Variants in CCDC141 observed in about 807,000 individuals in gnomAD.
The protein encoded by CCDC141 is coiled-coil domain containing 141, also known as coiled-coil domain-containing protein 141.
In CCDC141, 168 loss-of-function variants were observed where a neutral mutation model predicts 181.0. The ratio of observed to expected loss-of-function variants is 0.93; its 90% CI spans 0.82 to 1.05. CCDC141 has a LOEUF of 1.05. CCDC141 is among the 50% of genes least tolerant of loss of function. The pLI is 0.00. For synonymous variants in CCDC141, 666 were observed against 642.3 expected (o/e 1.04, Z -0.56); for missense variants, 1,902 against 1,788.5 (o/e 1.06, Z -1.14).
intron 6 of CCDC141, 121 bp from the exon 7 acceptor site, chr2:178,919,028 CTTTGGGAGATGA>C: frequency 1.1e-6 from 1 of 898,882 alleles, no homozygotes; most frequent in Non-Finnish European, 1.6e-6. Flanking sequence ...GGAAGTAGGG[CTTTGGGAGATGA>C]TTAGTGACCT....
chr2:178,842,824 A>T (rs909436081), intron 22 of CCDC141, among the ~76,000 whole-genome samples: 5 of 152,204 alleles, frequency 3.3e-5, no homozygotes, highest in African/African-American at 1.2e-4. Flanking sequence ...GTAATGTGGT[A>T]TTTTGGGGCA....
chr2:178,965,446 G>A (rs1321170919), intron 4 of CCDC141, among the ~76,000 whole-genome samples: 2 of 152,200 alleles, frequency 1.3e-5, no homozygotes, highest in African/African-American at 2.4e-5. Context: ...ATTGGTACTC[G>A]TTGGACAGTG....
intron 6 of CCDC141, among the ~76,000 whole-genome samples, chr2:178,938,000 T>C (rs1206823393): frequency 6.6e-6 from 1 of 152,118 alleles, no homozygotes; most frequent in Admixed American, 6.6e-5. Flanking sequence ...ATTAAGTTTT[T>C]CAAGAAACCA....
At chr2:179,001,912 A>C (rs1313674404) in intron 2 of CCDC141, 1 of 153,298 alleles carries the variant, frequency 6.5e-6, no homozygotes, top group African/African-American at 2.4e-5. Flanking sequence ...TCCGCCTCCC[A>C]GGTTCAAGTG....
downstream of CCDC141, among the ~76,000 whole-genome samples, chr2:178,828,811 G>A (rs999313957): frequency 1.3e-5 from 2 of 151,950 alleles, no homozygotes; most frequent in Non-Finnish European, 2.9e-5. Flanking sequence ...GGATAAAGTA[G>A]GTCCCTTTAT....
intron 2 of CCDC141, among the ~76,000 whole-genome samples, chr2:178,981,404 A>G (rs1488091874): frequency 6.6e-6 from 1 of 151,768 alleles, no homozygotes; most frequent in East Asian, 1.9e-4. Flanking sequence ...ATACTCTCAG[A>G]CCACAAAAGA....
chr2:179,027,042 G>T (rs1302329346), intron 2 of CCDC141, among the ~76,000 whole-genome samples: 2 of 152,198 alleles, frequency 1.3e-5, no homozygotes, highest in African/African-American at 4.8e-5. Context: ...GAAGGGACTT[G>T]CCCCACCTCA....
chr2:178,819,078 A>C, the CCDC141 span, among the ~76,000 whole-genome samples: 743 of 152,342 alleles, frequency 4.9e-3, 7 homozygotes, highest in Non-Finnish European at 7.2e-3. Context: ...TTCCAAAGTA[A>C]AAAAGCTACA....
chr2:178,905,698 A>G (rs1413665402), intron 7 of CCDC141, among the ~76,000 whole-genome samples, 197 bp from the exon 8 acceptor site: 2 of 152,394 alleles, frequency 1.3e-5, no homozygotes, highest in Non-Finnish European at 2.9e-5. Context: ...GAAACTGATC[A>G]TAGCTTAGAT....
chr2:178,984,369 A>G (rs1054912733), intron 2 of CCDC141, among the ~76,000 whole-genome samples: 8 of 151,954 alleles, frequency 5.3e-5, no homozygotes, highest in African/African-American at 1.9e-4. Flanking sequence ...TCATGCCAAA[A>G]TGTAACGACC....
chr2:178,837,086 G>A lies in CCDC141; in HGVS notation c.4133C>T (p.Thr1378Ile), dbSNP rs1369562881. ...AFSGLRFQSG[T>I]SRGYQRQMVP... The stretch of plus-strand genomic sequence containing the variant: ...CATTTGCCTCTGATAGCCCCTGCTG[G>A]TGCCTGATTGAAACCTGAGGCCCGA... Residue 1378 changes from threonine (T) to isoleucine (I), a missense_variant, in exon 23 of 24, where the codon ACC becomes ATC. Transcript: ENST00000443758. 1 of 1,613,964 alleles carries A rather than the reference G, an allele frequency of 6.2e-7. No individual in the cohort carries two copies. The highest frequency in any genetic ancestry group is 1.7e-5 in the Admixed American group (1 of 59,988).
At chr2:178,929,862 C>A (rs1689034286) in intron 6 of CCDC141, among the ~76,000 whole-genome samples, 1 of 151,796 alleles carries the variant, frequency 6.6e-6, no homozygotes, top group Non-Finnish European at 1.5e-5. Context: ...ATACTAAGGC[C>A]CCACTCTAAA....
intron 6 of CCDC141, among the ~76,000 whole-genome samples, chr2:178,932,192 C>T (rs879382949): frequency 3.9e-5 from 6 of 152,104 alleles, no homozygotes; most frequent in Non-Finnish European, 8.8e-5. Flanking sequence ...AACACACACA[C>T]ATGCACACAA....
chr2:178,849,979 A>G (rs1286850424), intron 21 of CCDC141, 70 bp downstream of exon 21: 9 of 821,556 alleles, frequency 1.1e-5, no homozygotes, highest in Non-Finnish European at 1.8e-5. Context: ...TCTTTGCACC[A>G]GAAGACATTT....
At chr2:178,816,814 GAA>G in the CCDC141 span, among the ~76,000 whole-genome samples, 1 of 152,138 alleles carries the variant, frequency 6.6e-6, no homozygotes, top group African/African-American at 2.4e-5. Flanking sequence ...TCTACAATAA[GAA>G]GAGAATGAGG....
chr2:178,918,904 A>G lies in CCDC141; in HGVS notation c.901T>C (p.Trp301Arg), dbSNP rs1418424923. The change falls in exon 7 of 24, where the codon TGG becomes CGG. Residue 301 changes from tryptophan (W) to arginine (R), a missense_variant. Physicochemically the swap from Trp to Arg is moderately radical, Grantham distance 101. Transcript: ENST00000443758. ...QEELIIKAKEWNSAVEKLKSE... is the reference protein window; with the variant it reads ...QEELIIKAKERNSAVEKLKSE... ...TTCAGCTTCTCAACAGCAGAATTCCATTCCTGCAAGAGATTATTCTTATTA... is the reference window on the plus strand; with the variant it reads ...TTCAGCTTCTCAACAGCAGAATTCCGTTCCTGCAAGAGATTATTCTTATTA... The G allele has an allele frequency of 6.5e-7, 1 of 1,550,012 alleles. No individual in the cohort carries two copies. The highest frequency in any genetic ancestry group is 8.7e-7 in the Non-Finnish European group (1 of 1,146,650).
At chr2:178,824,616 T>TAA in the CCDC141 span, among the ~76,000 whole-genome samples, 1 of 32,782 alleles carries the variant, frequency 3.1e-5, no homozygotes, top group African/African-American at 1.6e-4. Flanking sequence ...TGAGACTTCG[T>TAA]CAAAAAAAAA....
chr2:178,997,022 T>C (rs939726355), intron 2 of CCDC141, among the ~76,000 whole-genome samples: 3 of 152,170 alleles, frequency 2.0e-5, no homozygotes, highest in Admixed American at 6.5e-5. Context: ...ACATGATTAA[T>C]AGAACAGGGA....
At chr2:178,936,507 T>C (rs1485469565) in intron 6 of CCDC141, among the ~76,000 whole-genome samples, 1 of 152,140 alleles carries the variant, frequency 6.6e-6, no homozygotes, top group Non-Finnish European at 1.5e-5. Flanking sequence ...AGCCCTGTAG[T>C]ATAGTTTGAA....
Sources: allele counts gnomAD v4.1 joint callset (sites outside exome capture counted in the v4.1 genomes callset), GRCh38; gene constraint gnomAD v4.1.1; transcripts MANE v1.5; gene names NCBI Gene and HGNC (gene_info 2026-07-23, HGNC 2026-07-21).